The following EPHB1 variants were observed in gnomAD, a reference collection of about 807,000 sequenced individuals.
The protein encoded by EPHB1 is ephrin type-B receptor 1.
Under a neutral mutation model 94.4 loss-of-function variants are expected in EPHB1, and 30 were observed. The observed-to-expected ratio is 0.32, with a 90% CI of 0.24 to 0.43. EPHB1 has a LOEUF of 0.43. EPHB1 is among the 20% of genes least tolerant of loss of function. The probability of loss-of-function intolerance (pLI) is 1.00; values close to 1 mark genes in which losing one functional copy is unlikely to be tolerated. For missense variants in EPHB1, 1,055 were observed against 1,308.3 expected (o/e 0.81, Z 2.99); for synonymous variants, 522 against 489.1 (o/e 1.07, Z -0.89).
intron 3 of EPHB1, among the ~76,000 whole-genome samples, chr3:135,063,891 T>C (rs1471372272): frequency 6.6e-6 from 1 of 152,178 alleles, no homozygotes; most frequent in Non-Finnish European, 1.5e-5. Context: ...TTGCTGAGAG[T>C]TTTAATCATA....
intron 1 of EPHB1, among the ~76,000 whole-genome samples, chr3:134,826,085 C>CAA (rs34879749): frequency 0.068 from 7,449 of 110,286 alleles, 551 homozygotes; most frequent in African/African-American, 0.18. Context: ...ACTAAAAATA[C>CAA]AAAAAAAAAA....
At chr3:135,032,394 C>T (rs2107761296) in intron 3 of EPHB1, among the ~76,000 whole-genome samples, 1 of 151,404 alleles carries the variant, frequency 6.6e-6, no homozygotes. Context: ...TCATAGCATC[C>T]TGTTTTACTT....
At chr3:135,150,056 G>A (rs1296478936) in intron 5 of EPHB1, among the ~76,000 whole-genome samples, 4 of 152,250 alleles carry the variant, frequency 2.6e-5, no homozygotes, top group African/African-American at 7.2e-5. Context: ...GCTTAGAACA[G>A]GACTGGCACA....
intron 1 of EPHB1, among the ~76,000 whole-genome samples, chr3:134,879,548 A>T (rs1380823258): frequency 6.6e-6 from 1 of 152,164 alleles, no homozygotes; most frequent in Non-Finnish European, 1.5e-5. Flanking sequence ...ACTACTCAGG[A>T]GGCTGAGGTG....
intron 5 of EPHB1, among the ~76,000 whole-genome samples, chr3:135,147,678 G>C (rs1316507613): frequency 6.6e-6 from 1 of 152,240 alleles, no homozygotes; most frequent in Non-Finnish European, 1.5e-5. Context: ...TGGGGAGGCA[G>C]ATGGCCTCCT....
At chr3:135,171,703 G>T (rs1941806283) in intron 9 of EPHB1, among the ~76,000 whole-genome samples, 1 of 152,212 alleles carries the variant, frequency 6.6e-6, no homozygotes, top group Non-Finnish European at 1.5e-5. Flanking sequence ...CTTAGTATCA[G>T]TGATACATAG....
At chr3:134,942,588 T>G (rs983401) in intron 2 of EPHB1, among the ~76,000 whole-genome samples, 18,690 of 152,188 alleles carry the variant, frequency 0.12, 1,272 homozygotes, top group African/African-American at 0.15. Flanking sequence ...TGCATCCCGG[T>G]TATTTATCAG....
At chr3:135,239,615 G>A (rs184482924) in intron 12 of EPHB1, among the ~76,000 whole-genome samples, 4 of 152,318 alleles carry the variant, frequency 2.6e-5, no homozygotes, top group African/African-American at 9.6e-5. Flanking sequence ...GCTATAGGGA[G>A]TGATGAGCTT....
chr3:135,104,506 T>C (rs1939140737), intron 3 of EPHB1, among the ~76,000 whole-genome samples: 1 of 152,222 alleles, frequency 6.6e-6, no homozygotes, highest in Admixed American at 6.5e-5. Context: ...TTTTACATGG[T>C]TCGCAACTGA....
At chr3:135,076,261 A>ATATATG (rs1553729687) in intron 3 of EPHB1, among the ~76,000 whole-genome samples, 3 of 112,560 alleles carry the variant, frequency 2.7e-5, no homozygotes, top group South Asian at 2.8e-4. Context: ...ATATATATAT[A>ATATATG]ACTCTTAAAT....
intron 1 of EPHB1, among the ~76,000 whole-genome samples, chr3:134,807,486 G>A (rs1020281993): frequency 3.5e-5 from 5 of 143,994 alleles, no homozygotes; most frequent in Non-Finnish European, 6.0e-5. Context: ...GGAAGGATTT[G>A]GGGAAGGAGT....
intron 3 of EPHB1, among the ~76,000 whole-genome samples, chr3:134,957,792 C>G (rs1933340034): frequency 6.6e-6 from 1 of 152,178 alleles, no homozygotes; most frequent in South Asian, 2.1e-4. Flanking sequence ...CTATTTTCTG[C>G]TCAGGCCTAC....
intron 3 of EPHB1, among the ~76,000 whole-genome samples, chr3:135,004,815 C>A (rs1398042452): frequency 1.3e-5 from 2 of 151,868 alleles, no homozygotes; most frequent in East Asian, 3.9e-4. Flanking sequence ...TCCATCAGCT[C>A]CTTTAAGCAC....
At chr3:134,843,861 T>C (rs1018433868) in intron 1 of EPHB1, among the ~76,000 whole-genome samples, 12 of 152,328 alleles carry the variant, frequency 7.9e-5, no homozygotes, top group African/African-American at 2.9e-4. Flanking sequence ...TACTTTGAAG[T>C]TTTTGTCTGC....
intron 12 of EPHB1, among the ~76,000 whole-genome samples, chr3:135,218,635 C>T (rs1355859956): frequency 6.6e-6 from 1 of 152,236 alleles, no homozygotes; most frequent in African/African-American, 2.4e-5. Context: ...CACCTGGGTG[C>T]AGGCCCATGC....
At chr3:134,952,760 A>T (rs1283312007) in intron 3 of EPHB1, among the ~76,000 whole-genome samples, 2 of 152,228 alleles carry the variant, frequency 1.3e-5, no homozygotes, top group Non-Finnish European at 2.9e-5. Context: ...CTGTGTGCTC[A>T]TATTAGCCAT....
intron 1 of EPHB1, among the ~76,000 whole-genome samples, chr3:134,864,879 C>A (rs1578149803): frequency 6.6e-6 from 1 of 152,330 alleles, no homozygotes; most frequent in African/African-American, 2.4e-5. Context: ...TGGCTCACAT[C>A]CAACTCCCAG....
intron 12 of EPHB1, among the ~76,000 whole-genome samples, chr3:135,229,475 C>G (rs142680687): frequency 6.6e-6 from 1 of 152,152 alleles, no homozygotes; most frequent in Non-Finnish European, 1.5e-5. Flanking sequence ...AGAAGCATGG[C>G]CAGTGGACAC....
intron 3 of EPHB1, among the ~76,000 whole-genome samples, chr3:135,003,040 A>T (rs1935243986): frequency 6.6e-6 from 1 of 151,956 alleles, no homozygotes; most frequent in South Asian, 2.1e-4. Flanking sequence ...AGCTCTTTTA[A>T]TTGTGATGTT....
Sources: gnomAD v4.1 joint callset for allele counts (sites outside exome capture counted in the v4.1 genomes callset) on GRCh38, gnomAD v4.1.1 for gene constraint, MANE v1.5 for transcripts, NCBI Gene and HGNC (gene_info 2026-07-23, HGNC 2026-07-21) for gene names.